Variants in PCNX3 observed in about 807,000 individuals in gnomAD.
The protein encoded by PCNX3 is pecanex 3, also known as pecanex-like protein 3.
In PCNX3, 58 loss-of-function variants were observed where a neutral mutation model predicts 207.2. The ratio of observed to expected loss-of-function variants is 0.28; its 90% CI spans 0.23 to 0.35. The LOEUF is 0.35. Ranked by LOEUF, PCNX3 falls within the 10% of genes least tolerant of loss-of-function variation. The pLI, the probability that PCNX3 is intolerant of heterozygous loss-of-function variation, is 1.00. For synonymous variants in PCNX3, 1,337 were observed against 1,183.5 expected (o/e 1.13, Z -2.66); for missense variants, 2,410 against 2,774.4 (o/e 0.87, Z 2.95).
chr11:65,627,843 C>T (rs562671735), intron 22 of PCNX3, among the ~76,000 whole-genome samples: 2 of 152,302 alleles, frequency 1.3e-5, no homozygotes, highest in African/African-American at 4.8e-5. Context: ...CTGTCTGACC[C>T]CACGACCACC....
intron 1 of PCNX3, 146 bp downstream of exon 1, chr11:65,616,610 T>C: frequency 1.8e-6 from 2 of 1,119,546 alleles, no homozygotes; most frequent in Non-Finnish European, 2.5e-6. Flanking sequence ...GCCAAAGTCT[T>C]CCTTTCTTGG....
At position 65,618,183 on chromosome 11, in the gene PCNX3, G is replaced by A; in HGVS notation, c.821G>A (p.Arg274Lys). ...ACCAGCAGTCGACGGGAACAACGCA[G>A]GGGGGCAGGTGGCTATCAGCCCCTT... ...VRTSSRREQR[R>K]GAGGYQPLDR... Residue 274 changes from arginine (R) to lysine (K), a missense_variant, in exon 6 of 35, where the codon AGG becomes AAG. By Grantham distance (26) the Arg-to-Lys change is conservative. This residue lies in a region of PCNX3 where 1,104 missense variants were observed against 970.3 expected (regional missense o/e 1.14). Coordinates refer to ENST00000355703, the MANE Select transcript of PCNX3 (RefSeq NM_032223.4). 3 of 1,603,362 alleles carry A rather than the reference G, an allele frequency of 1.9e-6. No homozygotes were observed. Among genetic ancestry groups the A allele is most frequent in the African/African-American group, 1.3e-5 (1 of 74,644 alleles).
At position 65,624,468 on chromosome 11, in the gene PCNX3, C is replaced by G. The variant is rs1341298298; in HGVS notation, c.2717-3C>G. 1 of 1,591,100 alleles carries G rather than the reference C, an allele frequency of 6.3e-7. No individual in the cohort carries two copies. The stretch of plus-strand genomic sequence containing the variant: ...CCAGGCCTTCGTGTCCCCTCCCTGC[C>G]AGTGTTCACCCTGTGCTTCCCCTTC... On this transcript the variant is annotated splice_region_variant and splice_polypyrimidine_tract_variant and intron_variant, in intron 14 of 34. Coordinates refer to ENST00000355703, the MANE Select transcript of PCNX3 (RefSeq NM_032223.4).
intron 20 of PCNX3, 114 bp downstream of exon 20, chr11:65,626,168 A>G (rs1327543493): frequency 7.2e-7 from 1 of 1,383,530 alleles, no homozygotes; most frequent in Non-Finnish European, 9.9e-7. Context: ...CTCGCTGCCC[A>G]CACTACCCTT....
At position 65,627,413 on chromosome 11, in the gene PCNX3, C is replaced by T. The variant is rs1475468415; in HGVS notation, c.3533C>T (p.Ala1178Val). ...CTGCCCCTTGCCCACAGCTGCCGGG[C>T]GCTGCTGATGACCGTGGCTGGGCTG... Reference protein sequence around the residue: ...HPDKYCFYCRALLMTVAGLKL... With the variant: ...HPDKYCFYCRVLLMTVAGLKL... Residue 1178 changes from alanine to valine, a missense_variant, in exon 22 of 35, where the codon GCG (alanine) becomes GTG (valine). Around this residue, in one of 8 missense-constraint regions of PCNX3, gnomAD observed 333 missense variants for 386.8 expected, o/e 0.86. Coordinates refer to ENST00000355703, the MANE Select transcript of PCNX3 (RefSeq NM_032223.4). 5 of 1,608,856 alleles carry T rather than the reference C, an allele frequency of 3.1e-6. No homozygotes were observed. The highest frequency in any genetic ancestry group is 4.2e-6 in the Non-Finnish European group (5 of 1,179,728).
rs761678564 is a variant in PCNX3, at chr11:65,625,153, C to T, written c.2920-18C>T. 1 of 1,589,748 alleles carries T rather than the reference C, an allele frequency of 6.3e-7. No homozygotes were observed. The highest frequency in any genetic ancestry group is 1.3e-5 in the African/African-American group (1 of 74,496). On this transcript the variant is annotated intron_variant, in intron 16 of 34. Transcript: ENST00000355703. The surrounding 1 kb of genome is among the most constrained non-coding windows in gnomAD (Gnocchi z 5.6). ...TGCTTACCTCACCTCCCCTGACCAG[C>T]ATGGATTCTCTCCGCAGACTCCGTG... is the stretch of plus-strand genomic sequence containing the variant.
rs888120451 is a variant in PCNX3 at position 65,616,131 on chromosome 11, C to T, written c.-181C>T. 8 of 394,020 alleles carry T rather than the reference C, an allele frequency of 2.0e-5. No individual in the cohort carries two copies. Among genetic ancestry groups the T allele is most frequent in the Middle Eastern group, 6.7e-4 (1 of 1,490 alleles). 24.4% of individuals were successfully genotyped at this position (394,020 alleles called of 1,614,324 possible). On this transcript the variant is annotated 5_prime_UTR_variant, in exon 1 of 35. Transcript: ENST00000355703. Reference sequence around the variant, plus strand: ...CCGGGCCTTGCACCACTGACTGTCCCGGCCGGCCCCGCCCCCTGCTCGCAC... The same window carrying T: ...CCGGGCCTTGCACCACTGACTGTCCTGGCCGGCCCCGCCCCCTGCTCGCAC...
chr11:65,620,003 G>A, intron 8 of PCNX3, 71 bp downstream of exon 8: 1 of 1,465,966 alleles, frequency 6.8e-7, no homozygotes, highest in Non-Finnish European at 9.2e-7. Flanking sequence ...CCTCCTAGCA[G>A]TGGTGCTCGC....
chr11:65,635,171 T>G lies in PCNX3; in HGVS notation c.4954-47T>G. Reference sequence around the variant, plus strand: ...ATGGGCAGGTGGGGGATGAAGCCTCTCTCCAGGGCAGGGGCCACTGACCCC... The same window carrying G: ...ATGGGCAGGTGGGGGATGAAGCCTCGCTCCAGGGCAGGGGCCACTGACCCC... On this transcript the variant is annotated intron_variant, in intron 30 of 34. Coordinates refer to ENST00000355703, the MANE Select transcript of PCNX3 (RefSeq NM_032223.4). This position sits in a 1 kb window ranked among gnomAD's most constrained non-coding sequence, Gnocchi z 9.9. The G allele has an allele frequency of 6.2e-7, 1 of 1,602,836 alleles. No homozygotes were observed. Among genetic ancestry groups the G allele is most frequent in the Non-Finnish European group, 8.5e-7 (1 of 1,173,316 alleles).
At chr11:65,626,230 C>T (rs1253933567) in intron 20 of PCNX3, 176 bp downstream of exon 20, 22 of 901,802 alleles carry the variant, frequency 2.4e-5, no homozygotes, top group Admixed American at 8.0e-5. Context: ...CGCTCTCCAC[C>T]GACTCTTCTC....
chr11:65,628,763 G>A, intron 23 of PCNX3, 56 bp from the exon 24 acceptor site: 1 of 1,602,344 alleles, frequency 6.2e-7, no homozygotes, highest in South Asian at 1.1e-5. Flanking sequence ...GGGCAGTGGG[G>A]GGTGGTGGGG....
Position 65,618,695 on chromosome 11 carries a change from G to T in PCNX3, c.1333G>T (p.Asp445Tyr). 5 of 1,613,204 alleles carry T rather than the reference G, an allele frequency of 3.1e-6. No homozygotes were observed. The highest frequency in any genetic ancestry group is 4.2e-6 in the Non-Finnish European group (5 of 1,179,722). ...SLRSQRRYST[D>Y]SSSSTSCYSP... ...CCGATCGCAGCGCCGCTACAGTACTGACAGCTCCTCTTCTACTTCCTGCTA... is the reference window on the plus strand; with the variant it reads ...CCGATCGCAGCGCCGCTACAGTACTTACAGCTCCTCTTCTACTTCCTGCTA... The change falls in exon 6 of 35, where the codon GAC (aspartate) becomes TAC (tyrosine). Residue 445 changes from aspartate to tyrosine, a missense_variant. Coordinates refer to ENST00000355703, the MANE Select transcript of PCNX3 (RefSeq NM_032223.4).
rs1039631410 is a variant in PCNX3 at position 65,626,058 on chromosome 11, A to G, written c.3379+4A>G. On this transcript the variant is annotated splice_donor_region_variant and intron_variant, in intron 20 of 34. Transcript: ENST00000355703. Reference sequence around the variant, plus strand: ...TACAGCCAGTATGAAGTGCGCGGTGAGTGCCCACCCCTGATGGCCAGGCCT... The same window carrying G: ...TACAGCCAGTATGAAGTGCGCGGTGGGTGCCCACCCCTGATGGCCAGGCCT... 2 of 1,597,916 alleles carry G rather than the reference A, an allele frequency of 1.3e-6. No individual in the cohort carries two copies. The highest frequency in any genetic ancestry group is 3.5e-5 in the Admixed American group (2 of 57,384).
In PCNX3 at chr11:65,622,335, G is replaced by A. The variant is rs1239148722; in HGVS notation, c.2326G>A (p.Glu776Lys). Residue 776 changes from glutamate to lysine, a missense_variant, in exon 11 of 35, where the codon GAG (glutamate) becomes AAG (lysine). Physicochemically the swap from Glu to Lys is moderately conservative, Grantham distance 56. Around this residue, in one of 8 missense-constraint regions of PCNX3, gnomAD observed 177 missense variants for 257.5 expected, o/e 0.69. Coordinates refer to ENST00000355703, the MANE Select transcript of PCNX3 (RefSeq NM_032223.4). The stretch of plus-strand genomic sequence containing the variant: ...TGGCCGCTGGACCTCTGTGCGCTAT[G>A]AGCGGCTTGCCCTGCTGGCTCTGCT... ...LPGRWTSVRY[E>K]RLALLALLDR... 4 of 1,595,820 alleles carry A rather than the reference G, an allele frequency of 2.5e-6. No individual in the cohort carries two copies. Among genetic ancestry groups the A allele is most frequent in the Non-Finnish European group, 2.6e-6 (3 of 1,172,334 alleles).
At chr11:65,629,286 G>A in intron 24 of PCNX3, 71 bp from the exon 25 acceptor site, 1 of 1,478,646 alleles carries the variant, frequency 6.8e-7, no homozygotes, top group South Asian at 1.2e-5. Context: ...GTGGCACAGG[G>A]AGAGCATGAG....
chr11:65,629,656 C>G lies in PCNX3; in HGVS notation c.4137C>G (p.Asp1379Glu), dbSNP rs1434394996. 6.9e-6 allele frequency: 11 copies of G among 1,588,768 alleles called. No individual in the cohort carries two copies. The highest frequency in any genetic ancestry group is 3.3e-4 in the Middle Eastern group (2 of 6,000). ...GPGDCFVLAS[D>E]YLNALVHLIE... ...GTGACTGCTTCGTCCTGGCCTCTGACTACCTCAACGCCCTGGTGCACCTCA... is the reference window on the plus strand; with the variant it reads ...GTGACTGCTTCGTCCTGGCCTCTGAGTACCTCAACGCCCTGGTGCACCTCA... The change falls in exon 26 of 35, where the codon GAC (aspartate) becomes GAG (glutamate). Residue 1379 changes from aspartate to glutamate, a missense_variant. Physicochemically the swap from Asp to Glu is conservative, Grantham distance 45 (BLOSUM62 2). Transcript: ENST00000355703.
rs1157823607 is a variant in PCNX3 at position 65,634,345 on chromosome 11, C to T, written c.4690C>T (p.Arg1564Trp). The T allele has an allele frequency of 1.9e-6, 3 of 1,586,444 alleles. No individual in the cohort carries two copies. Among genetic ancestry groups the T allele is most frequent in the Non-Finnish European group, 2.6e-6 (3 of 1,166,512 alleles). ...HLEWIQYCASRRSQPVDQDWN... is the reference protein window; with the variant it reads ...HLEWIQYCASWRSQPVDQDWN... ...CGAGTGGATCCAGTACTGCGCCTCC[C>T]GGCGCAGCCAGGTCAGGCTCCACTA... Residue 1564 changes from arginine (R) to tryptophan (W), a missense_variant, in exon 28 of 35, where the codon CGG (arginine) becomes TGG (tryptophan). Arg to Trp is a moderately radical substitution (Grantham distance 101). Coordinates refer to ENST00000355703, the MANE Select transcript of PCNX3 (RefSeq NM_032223.4).
At position 65,625,652 on chromosome 11, in the gene PCNX3, C is replaced by T. The variant is rs1272552644; in HGVS notation, c.3136C>T (p.Arg1046Cys). The T allele has an allele frequency of 2.5e-5, 40 of 1,612,872 alleles. No individual in the cohort carries two copies. The highest frequency in any genetic ancestry group is 1.6e-4 in the Middle Eastern group (1 of 6,062). Reference protein sequence around the residue: ...PLPDKMRQSVREVLHSDLVMC... With the variant: ...PLPDKMRQSVCEVLHSDLVMC... ...CTGAATGTCTCTCCTGGCCCTGCAG[C>T]GTGAGGTCTTGCACTCCGACCTGGT... Residue 1046 changes from arginine (R) to cysteine (C), a missense_variant and splice_region_variant, in exon 19 of 35, where the codon CGT (arginine) becomes TGT (cysteine). Transcript: ENST00000355703. The surrounding 1 kb of genome is among the most constrained non-coding windows in gnomAD (Gnocchi z 5.6).
At chr11:65,620,035 T>A (rs1427127150) in intron 8 of PCNX3, 103 bp downstream of exon 8, 2 of 1,207,588 alleles carry the variant, frequency 1.7e-6, no homozygotes, top group Non-Finnish European at 2.3e-6. Context: ...GCAGGTACAC[T>A]GCTAATGCTG....
Sources: gnomAD v4.1 joint callset for allele counts (sites outside exome capture counted in the v4.1 genomes callset) on GRCh38, gnomAD v4.1.1 for gene constraint, gnomAD v4.1.1 regional missense constraint, Gnocchi (gnomAD v3.1) non-coding constraint, MANE v1.5 for transcripts, NCBI Gene and HGNC (gene_info 2026-07-23, HGNC 2026-07-21) for gene names.